The following ZSWIM5 variants were observed in gnomAD, a reference collection of about 807,000 sequenced individuals.
ZSWIM5 encodes the protein zinc finger SWIM-type containing 5.
In ZSWIM5, 55 loss-of-function variants were observed where a neutral mutation model predicts 119.6. That is an observed-to-expected ratio of 0.46 (90% CI 0.37 to 0.58). The LOEUF is 0.58. ZSWIM5 is among the 20% of genes least tolerant of loss of function. The pLI, the probability that ZSWIM5 is intolerant of heterozygous loss-of-function variation, is 0.00. For missense variants in ZSWIM5, 1,193 were observed against 1,512.8 expected, an observed-to-expected ratio of 0.79 and a Z score of 3.51; for synonymous variants, 537 against 606.9, an observed-to-expected ratio of 0.88 and a Z score of 1.69.
intron 8 of ZSWIM5, among the ~76,000 whole-genome samples, chr1:45,038,543 A>T (rs949768917): frequency 6.7e-6 from 1 of 149,586 alleles, no homozygotes; most frequent in Non-Finnish European, 1.5e-5. Flanking sequence ...AAGAGGGGGA[A>T]AAAACTTCAA....
intron 1 of ZSWIM5, among the ~76,000 whole-genome samples, chr1:45,193,150 T>C (rs1298009016): frequency 6.6e-6 from 1 of 152,146 alleles, no homozygotes; most frequent in Non-Finnish European, 1.5e-5. Context: ...TGGAAGTGCT[T>C]CAGAGTTTCA....
At chr1:45,141,178 C>A (rs1645724567) in intron 1 of ZSWIM5, among the ~76,000 whole-genome samples, 1 of 152,092 alleles carries the variant, frequency 6.6e-6, no homozygotes, top group African/African-American at 2.4e-5. Context: ...CATCAGAAGT[C>A]AAAATTCTGA....
chr1:45,033,678 GC>G (rs1347608681), intron 11 of ZSWIM5, among the ~76,000 whole-genome samples: 6 of 151,612 alleles, frequency 4.0e-5, no homozygotes, highest in African/African-American at 1.5e-4. Flanking sequence ...TCTTCCAGTG[GC>G]CCTGGGAGGC....
chr1:45,187,423 C>A (rs1431060476), intron 1 of ZSWIM5, among the ~76,000 whole-genome samples: 2 of 151,966 alleles, frequency 1.3e-5, no homozygotes, highest in African/African-American at 4.8e-5. Context: ...CCCCTTCTGA[C>A]ATCACAAAAG....
At chr1:45,141,801 A>G (rs1004865144) in intron 1 of ZSWIM5, among the ~76,000 whole-genome samples, 3 of 150,854 alleles carry the variant, frequency 2.0e-5, no homozygotes, top group Admixed American at 6.6e-5. Flanking sequence ...ACAGATAAAA[A>G]AGAATATCAT....
intron 1 of ZSWIM5, among the ~76,000 whole-genome samples, chr1:45,162,941 C>T (rs770062269): frequency 1.6e-4 from 25 of 152,234 alleles, no homozygotes; most frequent in Non-Finnish European, 3.2e-4. Context: ...CAGACTTAAA[C>T]ATCCCTGTCT....
chr1:45,058,876 G>C (rs1412420643), intron 3 of ZSWIM5, 117 bp from the exon 4 acceptor site: 2 of 1,192,630 alleles, frequency 1.7e-6, no homozygotes, highest in African/African-American at 1.5e-5. Context: ...ATATCCAAAA[G>C]AGCCAGAAAG....
intron 5 of ZSWIM5, among the ~76,000 whole-genome samples, chr1:45,046,293 C>T (rs1645053911): frequency 6.6e-6 from 1 of 152,022 alleles, no homozygotes; most frequent in Admixed American, 6.6e-5. Flanking sequence ...CAGGTGGGCA[C>T]TACAATAATT....
At chr1:45,050,123 G>A (rs982602875) in intron 5 of ZSWIM5, among the ~76,000 whole-genome samples, 15 of 152,126 alleles carry the variant, frequency 9.9e-5, no homozygotes, top group Admixed American at 5.9e-4. Context: ...AGAGGCTGAC[G>A]GTGGGCAGAT....
chr1:45,027,537 C>T (rs939347883), intron 11 of ZSWIM5, among the ~76,000 whole-genome samples: 5 of 151,868 alleles, frequency 3.3e-5, no homozygotes, highest in African/African-American at 1.2e-4. Flanking sequence ...GCTGAGATTA[C>T]AGGCGCCTGC....
rs779451041 is a variant in ZSWIM5 at position 45,017,136 on chromosome 1, T to C, written c.*1318A>G. 1 of 152,018 alleles carries C rather than the reference T, an allele frequency of 6.6e-6. No homozygotes were observed. The highest frequency in any genetic ancestry group is 1.5e-5 in the Non-Finnish European group (1 of 68,012). 9.4% of individuals were successfully genotyped at this position (152,018 alleles called of 1,614,324 possible). ...AGAATGAATAGAGGAGGCACAGAGA[T>C]GGGGAACAAACGTTTAGCTGGCGAG... On this transcript the variant is annotated 3_prime_UTR_variant, in exon 14 of 14. Transcript: ENST00000359600.
At chr1:45,026,444 T>C (rs918506569) in intron 11 of ZSWIM5, among the ~76,000 whole-genome samples, 49 of 152,164 alleles carry the variant, frequency 3.2e-4, no homozygotes, top group African/African-American at 1.2e-3. Context: ...GTGTCAGTTA[T>C]GCTTTTCCTG....
intron 1 of ZSWIM5, among the ~76,000 whole-genome samples, chr1:45,165,619 A>T (rs1333688191): frequency 6.6e-6 from 1 of 152,140 alleles, no homozygotes; most frequent in Non-Finnish European, 1.5e-5. Flanking sequence ...ATGCAATAAA[A>T]AATGATAAAG....
rs1267633260 is a variant in ZSWIM5, at chr1:45,035,794, T to G, written c.2185A>C (p.Ile729Leu). ...GGPFSGLGEV[I>L]HRESVPMHTF... ...TGCATGGGAACACTCTCTCGGTGGA[T>G]GACTTCTCCCAGACCGCTGAAAGGA... Residue 729 changes from isoleucine to leucine, a missense_variant, in exon 10 of 14, where the codon ATC becomes CTC. Ile to Leu is a conservative substitution (Grantham distance 5, BLOSUM62 2). Around this residue, in one of 2 missense-constraint regions of ZSWIM5, gnomAD observed 961 missense variants for 1,290.0 expected, o/e 0.74. Transcript: ENST00000359600. 1 of 1,613,452 alleles carries G rather than the reference T, an allele frequency of 6.2e-7. No homozygotes were observed. Among genetic ancestry groups the G allele is most frequent in the Admixed American group, 1.7e-5 (1 of 59,982 alleles).
At chr1:45,154,483 A>G (rs1263241976) in intron 1 of ZSWIM5, among the ~76,000 whole-genome samples, 1 of 152,180 alleles carries the variant, frequency 6.6e-6, no homozygotes, top group Non-Finnish European at 1.5e-5. Flanking sequence ...ACAAAAACAT[A>G]AAGTGAGGAA....
intron 1 of ZSWIM5, among the ~76,000 whole-genome samples, chr1:45,095,131 C>CTT (rs11354372): frequency 6.8e-6 from 1 of 146,784 alleles, no homozygotes; most frequent in African/African-American, 2.5e-5. Context: ...CCATAATTAA[C>CTT]TTTTTTTTTT....
At chr1:45,162,312 T>A (rs1645868460) in intron 1 of ZSWIM5, among the ~76,000 whole-genome samples, 1 of 152,136 alleles carries the variant, frequency 6.6e-6, no homozygotes, top group Admixed American at 6.6e-5. Flanking sequence ...GCCAACATAG[T>A]GAAATGCCAC....
intron 1 of ZSWIM5, among the ~76,000 whole-genome samples, chr1:45,091,149 T>C (rs890918744): frequency 3.3e-5 from 5 of 152,124 alleles, no homozygotes; most frequent in Non-Finnish European, 7.4e-5. Flanking sequence ...TGGCTCTCCA[T>C]GTAAAGGGGA....
At chr1:45,151,320 T>A (rs1478008865) in intron 1 of ZSWIM5, among the ~76,000 whole-genome samples, 1 of 152,046 alleles carries the variant, frequency 6.6e-6, no homozygotes, top group African/African-American at 2.4e-5. Context: ...GTCTGTTTTA[T>A]TCACTGTGGT....
Sources: gnomAD v4.1 joint callset for allele counts (sites outside exome capture counted in the v4.1 genomes callset) on GRCh38, gnomAD v4.1.1 for gene constraint, gnomAD v4.1.1 regional missense constraint, MANE v1.5 for transcripts, NCBI Gene and HGNC (gene_info 2026-07-23, HGNC 2026-07-21) for gene names.